KCNIP1: variants seen among roughly 807,000 people sequenced by gnomAD.
KCNIP1 encodes the protein A-type potassium channel modulatory protein KCNIP1.
KCNIP1 carries 18 observed loss-of-function variants against 33.0 expected under a neutral mutation model. The ratio of observed to expected loss-of-function variants is 0.55; its 90% CI spans 0.38 to 0.81. The LOEUF (loss-of-function observed/expected upper bound fraction) is 0.81, where lower values mean the gene tolerates loss of function less well. Among genes scored for constraint, KCNIP1 ranks in the 30% least tolerant of loss-of-function variants. The pLI, the probability that KCNIP1 is intolerant of heterozygous loss-of-function variation, is 0.00. For missense variants in KCNIP1, 238 were observed against 271.6 expected (o/e 0.88, Z 0.87); for synonymous variants, 93 against 98.3 (o/e 0.95, Z 0.32).
chr5:170,668,921 C>T (rs1481024229), intron 1 of KCNIP1, among the ~76,000 whole-genome samples: 3 of 152,204 alleles, frequency 2.0e-5, no homozygotes, highest in Non-Finnish European at 4.4e-5. Context: ...TGAGTGGGTC[C>T]TTCTGTAGGA....
At chr5:170,646,445 A>G (rs1336873791) in intron 1 of KCNIP1, among the ~76,000 whole-genome samples, 1 of 152,214 alleles carries the variant, frequency 6.6e-6, no homozygotes. Flanking sequence ...ACATTTGAAA[A>G]TCAGTTAATG....
At chr5:170,602,887 C>T (rs892906104) in intron 1 of KCNIP1, among the ~76,000 whole-genome samples, 1 of 152,214 alleles carries the variant, frequency 6.6e-6, no homozygotes, top group African/African-American at 2.4e-5. Flanking sequence ...TTTCTGATTC[C>T]ACTGCATGTG....
At chr5:170,425,377 A>G (rs1379616830) in intron 1 of KCNIP1, among the ~76,000 whole-genome samples, 3 of 152,168 alleles carry the variant, frequency 2.0e-5, no homozygotes, top group Non-Finnish European at 2.9e-5. Context: ...CTGAAAACCA[A>G]TTCTTACCTC....
At chr5:170,634,880 C>A (rs1760224023) in intron 1 of KCNIP1, among the ~76,000 whole-genome samples, 1 of 152,208 alleles carries the variant, frequency 6.6e-6, no homozygotes, top group African/African-American at 2.4e-5. Flanking sequence ...AGGCTGGCAA[C>A]CCTTAAATCA....
At chr5:170,705,379 T>C (rs1311824721) in intron 1 of KCNIP1, among the ~76,000 whole-genome samples, 1 of 152,200 alleles carries the variant, frequency 6.6e-6, no homozygotes, top group Non-Finnish European at 1.5e-5. Flanking sequence ...AAGTTCATGT[T>C]CCAGTGGAGG....
At chr5:170,635,985 G>A (rs758963403) in intron 1 of KCNIP1, among the ~76,000 whole-genome samples, 6 of 152,240 alleles carry the variant, frequency 3.9e-5, no homozygotes, top group Non-Finnish European at 5.9e-5. Flanking sequence ...CCAGTGGGCT[G>A]GGTATGGGCA....
chr5:170,403,270 C>T (rs1754953462), intron 1 of KCNIP1, among the ~76,000 whole-genome samples: 2 of 152,128 alleles, frequency 1.3e-5, no homozygotes, highest in African/African-American at 4.8e-5. Context: ...GAAAAGTTTT[C>T]CTAGTTTGAC....
chr5:170,541,434 A>G, intron 1 of KCNIP1, among the ~76,000 whole-genome samples: 1 of 152,216 alleles, frequency 6.6e-6, no homozygotes. Flanking sequence ...GAGTGCTACC[A>G]GCTCCATTAA....
intron 1 of KCNIP1, among the ~76,000 whole-genome samples, chr5:170,618,169 C>A (rs59270100): frequency 6.6e-6 from 1 of 151,964 alleles, no homozygotes; most frequent in African/African-American, 2.4e-5. Flanking sequence ...AACATCCGGG[C>A]GTAATCACAG....
At chr5:170,681,421 C>CA (rs1762343683) in intron 1 of KCNIP1, 1 of 322,892 alleles carries the variant, frequency 3.1e-6, no homozygotes, top group East Asian at 4.8e-5. Flanking sequence ...GGGTCTCCTG[C>CA]TCCGGCCCTA....
At chr5:170,735,663 A>G in intron 7 of KCNIP1, 96 bp from the exon 8 acceptor site, 1 of 1,070,090 alleles carries the variant, frequency 9.3e-7, no homozygotes, top group Non-Finnish European at 1.4e-6. Flanking sequence ...TTTTCTCCAT[A>G]TAGGAAACCC....
intron 1 of KCNIP1, among the ~76,000 whole-genome samples, chr5:170,475,136 C>A (rs914367722): frequency 2.6e-5 from 4 of 152,192 alleles, no homozygotes; most frequent in African/African-American, 9.7e-5. Context: ...ATTTCACAAA[C>A]CTCTAGCTAG....
chr5:170,493,196 A>T (rs558719919), intron 1 of KCNIP1, among the ~76,000 whole-genome samples: 2 of 151,950 alleles, frequency 1.3e-5, no homozygotes, highest in Non-Finnish European at 2.9e-5. Flanking sequence ...ACCAAATGCG[A>T]GCTCCCCCAT....
intron 1 of KCNIP1, among the ~76,000 whole-genome samples, chr5:170,679,955 C>T (rs1489395040): frequency 6.6e-6 from 1 of 151,992 alleles, no homozygotes; most frequent in African/African-American, 2.4e-5. Flanking sequence ...ATGTAGGTAT[C>T]CTTACAAGTG....
At chr5:170,457,374 C>T (rs187186655) in intron 1 of KCNIP1, among the ~76,000 whole-genome samples, 105 of 152,352 alleles carry the variant, frequency 6.9e-4, no homozygotes, top group Non-Finnish European at 3.1e-4. Context: ...AGGGGCATAA[C>T]GACTGCAGGA....
intron 1 of KCNIP1, among the ~76,000 whole-genome samples, chr5:170,474,375 G>A (rs1756803584): frequency 1.3e-5 from 2 of 151,980 alleles, no homozygotes; most frequent in South Asian, 4.2e-4. Context: ...ATGTATTGTG[G>A]GAACCCCCGC....
At chr5:170,652,365 G>C (rs1761074745) in intron 1 of KCNIP1, among the ~76,000 whole-genome samples, 1 of 151,588 alleles carries the variant, frequency 6.6e-6, no homozygotes, top group African/African-American at 2.4e-5. Context: ...CATGCTTATA[G>C]TTTCAGCTAC....
intron 1 of KCNIP1, among the ~76,000 whole-genome samples, chr5:170,697,663 G>A (rs554939646): frequency 6.6e-6 from 1 of 152,170 alleles, no homozygotes; most frequent in South Asian, 2.1e-4. Flanking sequence ...AGGGGTCCTA[G>A]CTCCTCGAGG....
intron 1 of KCNIP1, among the ~76,000 whole-genome samples, chr5:170,433,345 C>T (rs1025587256): frequency 1.3e-5 from 2 of 152,112 alleles, no homozygotes; most frequent in African/African-American, 4.8e-5. Flanking sequence ...CAACATCACA[C>T]CTGGCTAATT....
Sources: gnomAD v4.1 joint callset for allele counts (sites outside exome capture counted in the v4.1 genomes callset) on GRCh38, gnomAD v4.1.1 for gene constraint, MANE v1.5 for transcripts, NCBI Gene and HGNC (gene_info 2026-07-23, HGNC 2026-07-21) for gene names.